TBL1XR1: variants seen among roughly 807,000 people sequenced by gnomAD.
TBL1XR1 encodes the protein F-box-like/WD repeat-containing protein TBL1XR1.
Under a neutral mutation model 66.9 loss-of-function variants are expected in TBL1XR1, and 5 were observed. The ratio of observed to expected loss-of-function variants is 0.07; its 90% CI spans 0.04 to 0.16. The LOEUF is 0.16. Ranked by LOEUF, TBL1XR1 falls within the 10% of genes least tolerant of loss-of-function variation. The pLI, the probability that TBL1XR1 is intolerant of heterozygous loss-of-function variation, is 1.00. For missense variants in TBL1XR1, 238 were observed against 623.2 expected (o/e 0.38, Z 6.58); for synonymous variants, 210 against 206.0 (o/e 1.02, Z -0.17).
intron 1 of TBL1XR1, among the ~76,000 whole-genome samples, chr3:177,149,739 C>T (rs1179586839): frequency 6.6e-6 from 1 of 151,972 alleles, no homozygotes; most frequent in Non-Finnish European, 1.5e-5. Flanking sequence ...GGACACAACG[C>T]GACTGTGAAA....
At chr3:177,090,123 G>T (rs1407463753) in intron 2 of TBL1XR1, among the ~76,000 whole-genome samples, 1 of 152,160 alleles carries the variant, frequency 6.6e-6, no homozygotes, top group Non-Finnish European at 1.5e-5. Context: ...TAATGGAGTA[G>T]AATGCAGCTG....
rs1308383572 is a variant in TBL1XR1 at position 177,023,051 on chromosome 3, T to C, written c.*2447A>G. On this transcript the variant is annotated 3_prime_UTR_variant, in exon 16 of 16. Coordinates refer to ENST00000457928, the MANE Select transcript of TBL1XR1 (RefSeq NM_024665.7). Reference sequence around the variant, plus strand: ...AAAAAAAAAACAGAAAAGATGACAATATCATAAAAATGTAGCTGTCTATTT... The same window carrying C: ...AAAAAAAAAACAGAAAAGATGACAACATCATAAAAATGTAGCTGTCTATTT... 4 of 151,836 alleles carry C rather than the reference T, an allele frequency of 2.6e-5. No homozygotes were observed. Among genetic ancestry groups the C allele is most frequent in the Non-Finnish European group, 5.9e-5 (4 of 67,796 alleles). The allele number at this position is 151,836 out of a possible 1,614,324, so 9.4% of individuals were successfully genotyped here.
chr3:177,074,573 CCTT>C (rs1373869899), intron 2 of TBL1XR1, among the ~76,000 whole-genome samples: 1 of 152,124 alleles, frequency 6.6e-6, no homozygotes, highest in African/African-American at 2.4e-5. Context: ...CTCATCCCCA[CCTT>C]CTCGTGAGCC....
At chr3:177,046,075 A>C (rs1577014955) in intron 10 of TBL1XR1, 54 bp downstream of exon 10, 1 of 1,356,006 alleles carries the variant, frequency 7.4e-7, no homozygotes, top group East Asian at 2.5e-5. Flanking sequence ...TTAAAAGTTT[A>C]ATTAGAAAAA....
chr3:177,067,528 T>C (rs757893692), intron 2 of TBL1XR1, among the ~76,000 whole-genome samples: 4 of 152,078 alleles, frequency 2.6e-5, no homozygotes, highest in Non-Finnish European at 5.9e-5. Context: ...AAAATACAAA[T>C]CAAAATGATA....
At chr3:177,069,763 A>G (rs983212172) in intron 2 of TBL1XR1, among the ~76,000 whole-genome samples, 21 of 105,546 alleles carry the variant, frequency 2.0e-4, no homozygotes, top group East Asian at 5.5e-4. Context: ...AGGAAAGGAA[A>G]GAAAGGAAGG....
chr3:177,143,458 G>A (rs1729865828), intron 1 of TBL1XR1, among the ~76,000 whole-genome samples: 1 of 152,098 alleles, frequency 6.6e-6, no homozygotes, highest in Non-Finnish European at 1.5e-5. Flanking sequence ...TTTAAAACTT[G>A]TAAATGCTGT....
intron 12 of TBL1XR1, among the ~76,000 whole-genome samples, chr3:177,035,344 T>C (rs1244799726): frequency 1.3e-5 from 2 of 152,064 alleles, no homozygotes; most frequent in Admixed American, 1.3e-4. Context: ...TTAGAGTTTC[T>C]AAGACTCACT....
At chr3:177,083,896 T>C (rs1201113877) in intron 2 of TBL1XR1, among the ~76,000 whole-genome samples, 2 of 151,992 alleles carry the variant, frequency 1.3e-5, no homozygotes, top group East Asian at 3.9e-4. Flanking sequence ...GAGATCAGCC[T>C]GGCCAACATG....
At chr3:177,057,390 C>T (rs903785523) in intron 3 of TBL1XR1, among the ~76,000 whole-genome samples, 1 of 152,120 alleles carries the variant, frequency 6.6e-6, no homozygotes, top group Non-Finnish European at 1.5e-5. Flanking sequence ...GGGATCCTGA[C>T]AAAAGGGTTT....
At chr3:177,153,654 G>A (rs534573404) in intron 1 of TBL1XR1, among the ~76,000 whole-genome samples, 29 of 152,204 alleles carry the variant, frequency 1.9e-4, no homozygotes, top group Non-Finnish European at 3.1e-4. Flanking sequence ...TTGGGAGGCC[G>A]GGGCGGGTGA....
chr3:177,149,577 T>C, intron 1 of TBL1XR1, among the ~76,000 whole-genome samples: 1 of 152,172 alleles, frequency 6.6e-6, no homozygotes, highest in Non-Finnish European at 1.5e-5. Flanking sequence ...ACTTCAATAG[T>C]ACAAGCAAGC....
At chr3:177,071,347 A>C (rs539974604) in intron 2 of TBL1XR1, among the ~76,000 whole-genome samples, 52 of 152,296 alleles carry the variant, frequency 3.4e-4, no homozygotes, top group African/African-American at 1.2e-3. Context: ...AGAGAAAAGG[A>C]GGCCAGGGTA....
chr3:177,097,060 C>T (rs1287446490), intron 2 of TBL1XR1, among the ~76,000 whole-genome samples: 1 of 152,134 alleles, frequency 6.6e-6, no homozygotes, highest in African/African-American at 2.4e-5. Context: ...CTCCTATCAA[C>T]ATACTGAAAA....
intron 10 of TBL1XR1, among the ~76,000 whole-genome samples, chr3:177,040,019 A>C (rs961007177): frequency 6.6e-6 from 1 of 152,204 alleles, no homozygotes; most frequent in African/African-American, 2.4e-5. Context: ...AAAAACTTAA[A>C]GGGGAAAAAC....
chr3:177,197,348 C>CT lies in TBL1XR1; in HGVS notation c.-350_-349insA, dbSNP rs1737000019. ...CCCCAGGTGGCGAGCGGAGGTGCTC[C>CT]CGCCGCGGGGGGAGGGGCGGGGGCG... is the stretch of plus-strand genomic sequence containing the variant. On this transcript the variant is annotated 5_prime_UTR_variant, in exon 1 of 16. Transcript: ENST00000457928. 1 of 145,108 alleles carries CT rather than the reference C, an allele frequency of 6.9e-6. No homozygotes were observed. The highest frequency in any genetic ancestry group is 2.5e-5 in the African/African-American group (1 of 39,926). The allele number at this position is 145,108 out of a possible 1,614,324, so 9.0% of individuals were successfully genotyped here.
intron 2 of TBL1XR1, among the ~76,000 whole-genome samples, 151 bp downstream of exon 2, chr3:177,098,314 AT>A (rs1257077373): frequency 6.6e-6 from 1 of 152,066 alleles, no homozygotes; most frequent in East Asian, 1.9e-4. Flanking sequence ...AACTACATAT[AT>A]TTAAAAAGAA....
chr3:177,081,178 T>G (rs368677122), intron 2 of TBL1XR1, among the ~76,000 whole-genome samples: 7 of 152,236 alleles, frequency 4.6e-5, no homozygotes, highest in African/African-American at 1.7e-4. Flanking sequence ...AATACGACAT[T>G]CAGAATCATT....
intron 3 of TBL1XR1, 45 bp from the exon 4 acceptor site, chr3:177,053,963 A>G: frequency 1.3e-6 from 2 of 1,561,372 alleles, no homozygotes; most frequent in Middle Eastern, 1.7e-4. Context: ...TCCTAGTGGC[A>G]ACATGCTAAA....
Sources: allele counts gnomAD v4.1 joint callset (sites outside exome capture counted in the v4.1 genomes callset), GRCh38; gene constraint gnomAD v4.1.1; transcripts MANE v1.5; gene names NCBI Gene and HGNC (gene_info 2026-07-23, HGNC 2026-07-21).